AFF2: variants seen among roughly 807,000 people sequenced by gnomAD.
AFF2 encodes the protein AF4/FMR2 family member 2.
Under a neutral mutation model 76.9 loss-of-function variants are expected in AFF2, and 14 were observed. The ratio of observed to expected loss-of-function variants is 0.18; its 90% CI spans 0.12 to 0.28. AFF2 has a LOEUF of 0.28. Among genes scored for constraint, AFF2 ranks in the 10% least tolerant of loss-of-function variants. The probability of loss-of-function intolerance (pLI) is 1.00; values close to 1 mark genes in which losing one functional copy is unlikely to be tolerated. For synonymous variants in AFF2, 398 were observed against 366.7 expected (o/e 1.09, Z -0.98); for missense variants, 868 against 1,001.1 (o/e 0.87, Z 1.79).
Position 148,994,289 on chromosome X carries a change from A to G in AFF2, c.*2957A>G, listed in dbSNP as rs966313825. Reference sequence around the variant, plus strand: ...TGTTATGATGTTGGCTTGGCTTTGTATTTTTAATTAACTTTGGATTTTTAG... The same window carrying G: ...TGTTATGATGTTGGCTTGGCTTTGTGTTTTTAATTAACTTTGGATTTTTAG... On this transcript the variant is annotated 3_prime_UTR_variant, in exon 21 of 21. Transcript: ENST00000370460. 1 of 111,887 alleles carries G rather than the reference A, an allele frequency of 8.9e-6. No homozygotes were observed. 9.2% of individuals were successfully genotyped at this position (111,887 alleles called of 1,213,427 possible).
intron 8 of AFF2, among the ~76,000 whole-genome samples, chrX:148,895,413 T>C (rs781894220): frequency 9.0e-6 from 1 of 111,655 alleles, no homozygotes; most frequent in East Asian, 2.8e-4. Context: ...ATTTGAATAT[T>C]GACATAAGTG....
At chrX:148,754,687 T>C (rs1270365130) in intron 3 of AFF2, among the ~76,000 whole-genome samples, 2 of 111,610 alleles carry the variant, frequency 1.8e-5, no homozygotes, top group Non-Finnish European at 3.8e-5. Context: ...GGATGTTGAT[T>C]ATACATTGTT....
At chrX:148,923,652 G>T (rs2071619964) in intron 9 of AFF2, among the ~76,000 whole-genome samples, 1 of 111,480 alleles carries the variant, frequency 9.0e-6, no homozygotes, top group African/African-American at 3.3e-5. Context: ...GTTGAACTGG[G>T]TCCCACAGAT....
intron 1 of AFF2, among the ~76,000 whole-genome samples, chrX:148,626,719 A>G (rs373095558): frequency 9.0e-6 from 1 of 110,713 alleles, no homozygotes; most frequent in East Asian, 2.9e-4. Flanking sequence ...CTCCATCTTC[A>G]CATGGCCTTC....
rs2069621552 is a variant in AFF2, at chrX:148,773,685, G to GGAAAGAAAGAAAGAAGGAAA, written c.1042-36176_1042-36175insGGAAAGAAAGAAAGAAAGAA. On this transcript the variant is annotated intron_variant, in intron 3 of 20. Coordinates refer to ENST00000370460, the MANE Select transcript of AFF2 (RefSeq NM_002025.4). ...AGGAAGGAAAGAAGGAAGGAAGGAA[G>GGAAAGAAAGAAAGAAGGAAA]GAAAGAAAGAAAGAAAGAAAGAAAG... Among the ~76,000 whole-genome samples the GGAAAGAAAGAAAGAAGGAAA allele has an allele frequency of 7.6e-4, 39 of 51,433 alleles. 1 individual carries two copies. The highest frequency in any genetic ancestry group is 9.6e-4 in the Non-Finnish European group (29 of 30,088). 44.7% of individuals were successfully genotyped at this position (51,433 alleles called of 115,157 possible).
chrX:148,961,213 A>C (rs782644066), intron 12 of AFF2, among the ~76,000 whole-genome samples: 1 of 111,929 alleles, frequency 8.9e-6, no homozygotes, highest in Admixed American at 9.5e-5. Flanking sequence ...ATTTACAGCT[A>C]ATGAACCACC....
At chrX:148,938,289 T>G (rs2071795271) in intron 9 of AFF2, among the ~76,000 whole-genome samples, 1 of 112,204 alleles carries the variant, frequency 8.9e-6, no homozygotes, top group South Asian at 3.7e-4. Context: ...TTCGTTGTCA[T>G]TATAGATTCC....
rs181168166 is a variant in AFF2, at chrX:148,782,144, G to T, written c.1042-27732G>T. 3.5e-4 allele frequency among the ~76,000 whole-genome samples: 39 copies of T among 111,474 alleles called. 1 individual carries two copies. The East Asian group carries it at 0.01, about 30-fold the overall frequency. ...TGTTCCTATTTGGACATCTTGCCTG[G>T]GGAGTCTTTAAGATCCTCAATCACA... On this transcript the variant is annotated intron_variant, in intron 3 of 20. Coordinates refer to ENST00000370460, the MANE Select transcript of AFF2 (RefSeq NM_002025.4).
At chrX:148,675,637 T>C (rs2054474524) in intron 3 of AFF2, among the ~76,000 whole-genome samples, 1 of 109,232 alleles carries the variant, frequency 9.2e-6, no homozygotes, top group Non-Finnish European at 1.9e-5. Flanking sequence ...GTGAACTTAC[T>C]GGGGAAGCTG....
intron 1 of AFF2, among the ~76,000 whole-genome samples, chrX:148,519,645 A>C (rs1289394948): frequency 2.7e-5 from 3 of 112,367 alleles, no homozygotes; most frequent in Admixed American, 9.4e-5. Flanking sequence ...GACCCGAGGA[A>C]ATAAGTTAAT....
intron 13 of AFF2, 52 bp from the exon 14 acceptor site, chrX:148,966,738 G>T: frequency 8.4e-7 from 1 of 1,190,504 alleles, no homozygotes; most frequent in East Asian, 3.0e-5. Flanking sequence ...TTATGACAAG[G>T]TGTTTTAAAA....
At position 148,987,397 on chromosome X, in the gene AFF2, C is replaced by T. The variant is rs370206293; in HGVS notation, c.3654C>T (p.Asn1218=). The part of the protein sequence containing the change: ...KNTPSPVSLN[N]VSPINAMGNC... ...CTCCATCCCCAGTGTCTCTCAACAA[C>T]GTCTCCCCCATCAACGCAATGGGGA... Residue 1218 remains asparagine (N), a synonymous_variant, in exon 20 of 21, where the codon AAC becomes AAT. Transcript: ENST00000370460. The T allele has an allele frequency of 1.3e-4, 152 of 1,208,395 alleles. No homozygotes were observed. The East Asian group carries it at 2.5e-3, about 20-fold the overall frequency.
intron 1 of AFF2, among the ~76,000 whole-genome samples, chrX:148,596,355 C>T (rs1557247313): frequency 8.9e-6 from 1 of 112,076 alleles, no homozygotes; most frequent in African/African-American, 3.2e-5. Context: ...CCGCCTCCAA[C>T]CACTTCATGG....
At chrX:148,904,577 C>G (rs1438512318) in intron 9 of AFF2, among the ~76,000 whole-genome samples, 1 of 112,026 alleles carries the variant, frequency 8.9e-6, no homozygotes, top group Non-Finnish European at 1.9e-5. Flanking sequence ...TTTGCACATG[C>G]TAAAAAGATT....
rs145566841 is a variant in AFF2, at chrX:148,664,774, C to G, written c.1041+2006C>G. On this transcript the variant is annotated intron_variant, in intron 3 of 20. Coordinates refer to ENST00000370460, the MANE Select transcript of AFF2 (RefSeq NM_002025.4). ...GGTTACTTGATTACATTTTCTAAGC[C>G]ACAATGTTAATCAAATAACATGCAC... Among the ~76,000 whole-genome samples, 39 of 112,243 alleles carry G rather than the reference C, an allele frequency of 3.5e-4. No individual in the cohort carries two copies. The East Asian group carries it at 0.01, about 29-fold the overall frequency.
intron 3 of AFF2, among the ~76,000 whole-genome samples, chrX:148,796,305 G>A (rs903366739): frequency 1.8e-5 from 2 of 110,743 alleles, no homozygotes; most frequent in East Asian, 2.9e-4. Flanking sequence ...TAATATATCA[G>A]TGTCTCTTCC....
rs1021761495 is a variant in AFF2, at chrX:149,000,590, A to G, written c.*9258A>G. The G allele has an allele frequency of 3.5e-4, 39 of 112,930 alleles. No individual in the cohort carries two copies. The highest frequency in any genetic ancestry group is 1.2e-3 in the African/African-American group (36 of 31,010). The allele number at this position is 112,930 out of a possible 1,213,427, so 9.3% of individuals were successfully genotyped here. On this transcript the variant is annotated 3_prime_UTR_variant, in exon 21 of 21. Transcript: ENST00000370460. Reference sequence around the variant, plus strand: ...CTGAGCTGGTGCGTTGGTTTCTCTCATAGAGGCATTAACTATACTGCCAAT... The same window carrying G: ...CTGAGCTGGTGCGTTGGTTTCTCTCGTAGAGGCATTAACTATACTGCCAAT...
intron 2 of AFF2, among the ~76,000 whole-genome samples, chrX:148,661,015 A>G (rs990538248): frequency 2.7e-5 from 3 of 112,241 alleles, no homozygotes; most frequent in Non-Finnish European, 5.6e-5. Flanking sequence ...TTTTAATAGA[A>G]CCAATACATC....
At chrX:148,503,956 T>G (rs1557232174) in intron 1 of AFF2, among the ~76,000 whole-genome samples, 3 of 111,931 alleles carry the variant, frequency 2.7e-5, no homozygotes, top group Non-Finnish European at 5.6e-5. Flanking sequence ...TAAACCATTC[T>G]GTGAAAGAAA....
Sources: allele counts gnomAD v4.1 joint callset (sites outside exome capture counted in the v4.1 genomes callset), GRCh38; gene constraint gnomAD v4.1.1; transcripts MANE v1.5; gene names NCBI Gene and HGNC (gene_info 2026-07-23, HGNC 2026-07-21).